Variants in CCDC83 observed in about 807,000 individuals in gnomAD.
CCDC83 encodes the protein coiled-coil domain-containing protein 83.
A neutral mutation model predicts 50.1 loss-of-function variants in CCDC83; 54 were observed. The observed-to-expected ratio is 1.08, with a 90% confidence interval of 0.87 to 1.35. The LOEUF is 1.35. Among genes scored for constraint, CCDC83 ranks in the 40% most tolerant of loss-of-function variants. The probability of loss-of-function intolerance (pLI) is 0.00; values close to 1 mark genes in which losing one functional copy is unlikely to be tolerated. For missense variants in CCDC83, 518 were observed against 473.9 expected, an observed-to-expected ratio of 1.09 and a Z score of -0.86; for synonymous variants, 161 against 153.3, an observed-to-expected ratio of 1.05 and a Z score of -0.37.
chr11:85,899,148 G>A (rs2093389020), intron 7 of CCDC83, 133 bp downstream of exon 7: 1 of 624,932 alleles, frequency 1.6e-6, no homozygotes, highest in African/African-American at 1.9e-5. Flanking sequence ...AAATTCAAGT[G>A]GAGTCCTCAT....
rs368467157 is a variant in CCDC83, at chr11:85,911,175, TAAAAAAA to T, written c.673-95_673-89del. ...GACAAAAGTGAAACTCCGTCTCAAATAAAAAAAAAAAAAAAAAGAAAGAAAAAAGAAA... is the reference window on the plus strand; with the variant it reads ...GACAAAAGTGAAACTCCGTCTCAAATAAAAAAAAAAGAAAGAAAAAAGAAA... On this transcript the variant is annotated intron_variant, in intron 7 of 10. Transcript: ENST00000342404. 8 of 661,738 alleles carry T rather than the reference TAAAAAAA, an allele frequency of 1.2e-5. No individual in the cohort carries two copies. In the East Asian group the frequency reaches 1.8e-4, roughly 15 times the overall value. 41.0% of individuals were successfully genotyped at this position (661,738 alleles called of 1,614,324 possible).
At chr11:85,858,307 T>G (rs1259915919) in intron 1 of CCDC83, among the ~76,000 whole-genome samples, 1 of 152,192 alleles carries the variant, frequency 6.6e-6, no homozygotes, top group Non-Finnish European at 1.5e-5. Flanking sequence ...TTGACCAAGC[T>G]GACTGAGCTG....
chr11:85,911,434 GTAAACATTTGT>G (rs901125869), intron 8 of CCDC83, 32 bp downstream of exon 8: 1 of 1,500,510 alleles, frequency 6.7e-7, no homozygotes, highest in African/African-American at 1.4e-5. Flanking sequence ...AGAGTATTTT[GTAAACATTTGT>G]ATCTGCTGTA....
intron 7 of CCDC83, among the ~76,000 whole-genome samples, chr11:85,899,769 C>T (rs935808248): frequency 6.6e-6 from 1 of 152,036 alleles, no homozygotes; most frequent in Non-Finnish European, 1.5e-5. Flanking sequence ...TATTGAATGA[C>T]TGAATGTCAA....
intron 2 of CCDC83, among the ~76,000 whole-genome samples, chr11:85,867,514 C>T (rs1302817335): frequency 6.6e-6 from 1 of 152,144 alleles, no homozygotes; most frequent in South Asian, 2.1e-4. Context: ...AGAGAAGAGG[C>T]TTTCACCTGT....
chr11:85,916,909 G>C (rs1221589099), intron 10 of CCDC83, among the ~76,000 whole-genome samples: 4 of 151,896 alleles, frequency 2.6e-5, no homozygotes, highest in Admixed American at 6.6e-5. Flanking sequence ...TCGGAAATTT[G>C]AGACCAGCCT....
intron 3 of CCDC83, among the ~76,000 whole-genome samples, chr11:85,876,578 C>A (rs975351645): frequency 2.2e-4 from 33 of 152,224 alleles, no homozygotes; most frequent in African/African-American, 1.4e-4. Context: ...GATCTCTGCT[C>A]ATTACAATCT....
At chr11:85,866,393 TA>T (rs35225138) in intron 2 of CCDC83, among the ~76,000 whole-genome samples, 1 of 151,918 alleles carries the variant, frequency 6.6e-6, no homozygotes, top group African/African-American at 2.4e-5. Context: ...ATTTGAGCTT[TA>T]AAAAAAATGA....
chr11:85,887,677 T>TATATAA (rs58881131), intron 5 of CCDC83, among the ~76,000 whole-genome samples: 2 of 151,388 alleles, frequency 1.3e-5, no homozygotes, highest in Non-Finnish European at 2.9e-5. Flanking sequence ...TATATATATA[T>TATATAA]CACAAATAGC....
intron 1 of CCDC83, among the ~76,000 whole-genome samples, chr11:85,859,158 TAAA>T (rs55964668): frequency 2.9e-5 from 2 of 68,790 alleles, no homozygotes; most frequent in Non-Finnish European, 5.5e-5. Context: ...CTTGGTGCCT[TAAA>T]AAAAAAAAAA....
intron 2 of CCDC83, among the ~76,000 whole-genome samples, chr11:85,865,821 G>C (rs137962882): frequency 8.6e-5 from 13 of 151,632 alleles, no homozygotes; most frequent in Non-Finnish European, 1.3e-4. Context: ...CCAGGAGGCA[G>C]ACGTTGCAGT....
In CCDC83 at chr11:85,882,366, C is replaced by T. The variant is rs73521404; in HGVS notation, c.181-147C>T. 3,905 of 668,518 alleles carry T rather than the reference C, an allele frequency of 5.8e-3. 101 individuals carry two copies. The African/African-American group carries it at 0.063, about 11-fold the overall frequency. 41.4% of individuals were successfully genotyped at this position (668,518 alleles called of 1,614,324 possible). A position where few individuals can be genotyped will look rare whatever the true frequency, so the allele number is the denominator to read the frequency against. ...TCTGCCAGGGGAAGTAGGGATACCA[C>T]CTCATAATGTCTGATGGAAGTAGAA... On this transcript the variant is annotated intron_variant, in intron 3 of 10. Transcript: ENST00000342404.
chr11:85,891,957 G>A (rs78085181), intron 5 of CCDC83, among the ~76,000 whole-genome samples: 15 of 152,246 alleles, frequency 9.9e-5, no homozygotes, highest in African/African-American at 2.2e-4. Context: ...GAGTTGGGGC[G>A]GCTCTAAAAA....
chr11:85,865,234 G>C lies in CCDC83; in HGVS notation c.95+16G>C. Reference sequence around the variant, plus strand: ...TAGACTATCAGTAAGTTTTTATTCTGAAATCTGAAAGTTGCCATAGATAAA... The same window carrying C: ...TAGACTATCAGTAAGTTTTTATTCTCAAATCTGAAAGTTGCCATAGATAAA... On this transcript the variant is annotated intron_variant, in intron 2 of 10. Transcript: ENST00000342404. 6.8e-7 allele frequency: 1 copy of C among 1,477,198 alleles called. No homozygotes were observed. The highest frequency in any genetic ancestry group is 9.5e-7 in the Non-Finnish European group (1 of 1,057,808). 91.5% of individuals were successfully genotyped at this position (1,477,198 alleles called of 1,614,324 possible). A position where few individuals can be genotyped will look rare whatever the true frequency, so the allele number is the denominator to read the frequency against.
At chr11:85,917,825 G>A (rs1045083780) in intron 10 of CCDC83, 3 of 152,156 alleles carry the variant, frequency 2.0e-5, no homozygotes, top group African/African-American at 7.2e-5. Flanking sequence ...TGACTCCTGG[G>A]ATGTCATGAT....
chr11:85,858,455 C>T (rs2093155502), intron 1 of CCDC83, among the ~76,000 whole-genome samples: 1 of 152,216 alleles, frequency 6.6e-6, no homozygotes, highest in East Asian at 1.9e-4. Context: ...GAGCAAATGG[C>T]ACCCACTTTG....
At chr11:85,863,780 G>A (rs886258781) in intron 1 of CCDC83, among the ~76,000 whole-genome samples, 3 of 152,172 alleles carry the variant, frequency 2.0e-5, no homozygotes, top group African/African-American at 4.8e-5. Context: ...ACGCATCATC[G>A]TACTTGCAGA....
rs181956210 is a variant in CCDC83, at chr11:85,918,301, C to T, written c.1081-1048C>T. Among the ~76,000 whole-genome samples the T allele has an allele frequency of 3.3e-5, 5 of 152,218 alleles. No homozygotes were observed. The East Asian group carries it at 7.7e-4, about 23-fold the overall frequency. On this transcript the variant is annotated intron_variant, in intron 10 of 10. Coordinates refer to ENST00000342404, the MANE Select transcript of CCDC83 (RefSeq NM_001286159.2). The stretch of plus-strand genomic sequence containing the variant: ...GACAGGTAAGAAAATCAACAAGTAC[C>T]ATATAAGAGTAAACAGACCACCTGT...
Position 85,919,695 on chromosome 11 carries a change from C to G in CCDC83, c.*185C>G. On this transcript the variant is annotated 3_prime_UTR_variant, in exon 11 of 11. Transcript: ENST00000342404. ...TCATTTACTTGCATGGTATGAGTGA[C>G]CAAAACGGAAGCACGCTTTGTATTT... 1 of 554,556 alleles carries G rather than the reference C, an allele frequency of 1.8e-6. No individual in the cohort carries two copies. Among genetic ancestry groups the G allele is most frequent in the Non-Finnish European group, 3.1e-6 (1 of 317,880 alleles). The allele number at this position is 554,556 out of a possible 1,614,324, so 34.4% of individuals were successfully genotyped here. A position where few individuals can be genotyped will look rare whatever the true frequency, so the allele number is the denominator to read the frequency against.
Sources: allele counts gnomAD v4.1 joint callset (sites outside exome capture counted in the v4.1 genomes callset), GRCh38; gene constraint gnomAD v4.1.1; transcripts MANE v1.5; gene names NCBI Gene and HGNC (gene_info 2026-07-23, HGNC 2026-07-21).